IRX6: variants seen among roughly 807,000 people sequenced by gnomAD.
IRX6 encodes the protein iroquois-class homeodomain protein IRX-6.
A neutral mutation model predicts 47.7 loss-of-function variants in IRX6; 46 were observed. The observed-to-expected ratio is 0.96, with a 90% CI of 0.76 to 1.23. The LOEUF (loss-of-function observed/expected upper bound fraction) is 1.23, where lower values mean the gene tolerates loss of function less well. Ranked by LOEUF, IRX6 falls within the 50% of genes most tolerant of loss-of-function variation. IRX6 has a pLI of 0.00. For missense variants in IRX6, 722 were observed against 588.0 expected (o/e 1.23, Z -2.36); for synonymous variants, 265 against 246.2 (o/e 1.08, Z -0.72).
chr16:55,327,580 C>G lies in IRX6; in HGVS notation c.414-6C>G. 1.3e-6 allele frequency: 2 copies of G among 1,590,060 alleles called. No homozygotes were observed. Among genetic ancestry groups the G allele is most frequent in the Non-Finnish European group, 8.6e-7 (1 of 1,168,040 alleles). On this transcript the variant is annotated splice_polypyrimidine_tract_variant and splice_region_variant and intron_variant, in intron 3 of 5. Coordinates refer to ENST00000290552, the MANE Select transcript of IRX6 (RefSeq NM_024335.3). Reference sequence around the variant, plus strand: ...TCTATAATGTGAGCCAGGTTCTCCCCCACAGGTATGGCGCAGTGGAATTGA... The same window carrying G: ...TCTATAATGTGAGCCAGGTTCTCCCGCACAGGTATGGCGCAGTGGAATTGA...
chr16:55,327,803 A>T lies in IRX6; in HGVS notation c.631A>T (p.Thr211Ser), dbSNP rs1413707715. The T allele has an allele frequency of 1.2e-6, 2 of 1,612,826 alleles. No individual in the cohort carries two copies. The highest frequency in any genetic ancestry group is 2.7e-5 in the African/African-American group (2 of 74,848). The change falls in exon 4 of 6, where the codon ACA becomes TCA. Residue 211 changes from threonine to serine, a missense_variant. Thr to Ser is a moderately conservative substitution (Grantham distance 58). Coordinates refer to ENST00000290552, the MANE Select transcript of IRX6 (RefSeq NM_024335.3). Reference sequence around the variant, plus strand: ...GCGCCTCAAGAAAGAGAACAAAATGACATGGGCGCCCAAGAACAAAGGTGG... The same window carrying T: ...GCGCCTCAAGAAAGAGAACAAAATGTCATGGGCGCCCAAGAACAAAGGTGG... ...RRRLKKENKM[T>S]WAPKNKGGEE...
At chr16:55,325,475 G>T (rs1452196490) in intron 1 of IRX6, among the ~76,000 whole-genome samples, 2 of 34,102 alleles carry the variant, frequency 5.9e-5, no homozygotes, top group Non-Finnish European at 9.8e-5. Flanking sequence ...AAGAAAGAAA[G>T]AAATAAGGAA....
Position 55,327,684 on chromosome 16 carries a change from A to C in IRX6, c.512A>C (p.Asn171Thr). ...GCCTGGCTCAACGAGCACCGCAAAA[A>C]CCCCTACCCCACTAAGGGTGAGAAG... ...LKAWLNEHRK[N>T]PYPTKGEKIM... The change falls in exon 4 of 6, where the codon AAC becomes ACC. Residue 171 changes from asparagine to threonine, a missense_variant. Transcript: ENST00000290552. 1 of 1,611,742 alleles carries C rather than the reference A, an allele frequency of 6.2e-7. No homozygotes were observed. Among genetic ancestry groups the C allele is most frequent in the Non-Finnish European group, 8.5e-7 (1 of 1,179,870 alleles).
chr16:55,326,585 G>A lies in IRX6; in HGVS notation c.295G>A (p.Gly99Arg). The change falls in exon 2 of 6, where the codon GGG becomes AGG. Residue 99 changes from glycine to arginine, a missense_variant. Transcript: ENST00000290552. ...TAGCCCAGAGCCCCCCTCACTGTAT[G>A]GGGCACTGGTGAGTACAGGGGTGGA... ...PYSPEPPSLY[G>R]ALNPQYEFKE... The A allele has an allele frequency of 1.3e-6, 2 of 1,552,256 alleles. No homozygotes were observed. Among genetic ancestry groups the A allele is most frequent in the Non-Finnish European group, 1.7e-6 (2 of 1,145,886 alleles).
intron 1 of IRX6, 53 bp from the exon 2 acceptor site, chr16:55,326,282 CG>C (rs1960519787): frequency 1.0e-5 from 12 of 1,156,058 alleles, no homozygotes; most frequent in Non-Finnish European, 1.4e-5. Context: ...GGAGCGGGGG[CG>C]GGGGTGGGGG....
In IRX6 at chr16:55,327,685, C is replaced by G. The variant is rs187777953; in HGVS notation, c.513C>G (p.Asn171Lys). Reference sequence around the variant, plus strand: ...CCTGGCTCAACGAGCACCGCAAAAACCCCTACCCCACTAAGGGTGAGAAGA... The same window carrying G: ...CCTGGCTCAACGAGCACCGCAAAAAGCCCTACCCCACTAAGGGTGAGAAGA... Reference protein sequence around the residue: ...LKAWLNEHRKNPYPTKGEKIM... With the variant: ...LKAWLNEHRKKPYPTKGEKIM... The change falls in exon 4 of 6, where the codon AAC (asparagine) becomes AAG (lysine). Residue 171 changes from asparagine to lysine, a missense_variant. Physicochemically the swap from Asn to Lys is moderately conservative, Grantham distance 94 (BLOSUM62 0). Transcript: ENST00000290552. 6.2e-7 allele frequency: 1 copy of G among 1,612,288 alleles called. No homozygotes were observed. Among genetic ancestry groups the G allele is most frequent in the Non-Finnish European group, 8.5e-7 (1 of 1,180,028 alleles).
chr16:55,326,006 G>C (rs1960514514), intron 1 of IRX6: 1 of 300,724 alleles, frequency 3.3e-6, no homozygotes, highest in Non-Finnish European at 6.2e-6. Context: ...GATCCTGGGA[G>C]GAGGGTAGGG....
chr16:55,329,034 GTC>G lies in IRX6; in HGVS notation c.1060_1061del (p.Leu354GlyfsTer10). 6.2e-7 allele frequency: 1 copy of G among 1,613,952 alleles called. No homozygotes were observed. The highest frequency in any genetic ancestry group is 1.1e-5 in the South Asian group (1 of 91,076). On this transcript the variant is annotated frameshift_variant, in exon 5 of 6. Coordinates refer to ENST00000290552, the MANE Select transcript of IRX6 (RefSeq NM_024335.3). LOFTEE classifies it high-confidence loss of function. The stretch of plus-strand genomic sequence containing the variant: ...CATGCTTGGAGAAACCGCGCATCTG[GTC>G]TCTGGCGCACACCGCGACAGCCAGC... ...YPCLEKPRIW[S>X]LAHTATASAV... is the part of the protein sequence containing the mutation.
Position 55,325,028 on chromosome 16 carries a change from C to T in IRX6, c.-64C>T. The T allele has an allele frequency of 6.4e-7, 1 of 1,559,856 alleles. No individual in the cohort carries two copies. The highest frequency in any genetic ancestry group is 8.8e-7 in the Non-Finnish European group (1 of 1,131,278). On this transcript the variant is annotated 5_prime_UTR_variant, in exon 1 of 6. Coordinates refer to ENST00000290552, the MANE Select transcript of IRX6 (RefSeq NM_024335.3). ...CTGAGACACCTCACTGCTGGGGGCG[C>T]GGAACAGCTGGGCTGAGACGGGAAC...
intron 4 of IRX6, 21 bp from the exon 5 acceptor site, chr16:55,328,679 C>T: frequency 6.2e-7 from 1 of 1,609,468 alleles, no homozygotes; most frequent in South Asian, 1.1e-5. Flanking sequence ...GCTTTTCTCA[C>T]TCGCTCTTGA....
At position 55,330,397 on chromosome 16, in the gene IRX6, G is replaced by A. The variant is rs1378500262; in HGVS notation, c.*92G>A. Reference sequence around the variant, plus strand: ...TAAGAAGCTGCCAGACCTTGCCAGGGACCAGGAGCTCTCACTTTGCCTAAG... The same window carrying A: ...TAAGAAGCTGCCAGACCTTGCCAGGAACCAGGAGCTCTCACTTTGCCTAAG... On this transcript the variant is annotated 3_prime_UTR_variant, in exon 6 of 6. Transcript: ENST00000290552. 8.0e-7 allele frequency: 1 copy of A among 1,245,540 alleles called. No individual in the cohort carries two copies. Among genetic ancestry groups the A allele is most frequent in the Non-Finnish European group, 1.2e-6 (1 of 844,540 alleles). The allele number at this position is 1,245,540 out of a possible 1,614,324, so 77.2% of individuals were successfully genotyped here. A position where few individuals can be genotyped will look rare whatever the true frequency, so the allele number is the denominator to read the frequency against.
chr16:55,329,424 A>C (rs31088), intron 5 of IRX6, 113 bp downstream of exon 5: 487,544 of 1,350,438 alleles, frequency 0.36, 88,864 homozygotes, highest in African/African-American at 0.46. Context: ...CTCCCACAGA[A>C]CTGACGGGAG....
At position 55,324,781 on chromosome 16, in the gene IRX6, C is replaced by T; in HGVS notation, c.-311C>T. On this transcript the variant is annotated 5_prime_UTR_variant, in exon 1 of 6. Coordinates refer to ENST00000290552, the MANE Select transcript of IRX6 (RefSeq NM_024335.3). The surrounding 1 kb of genome is among the most constrained non-coding windows in gnomAD (Gnocchi z 4.4). ...GGACACCTCCGGAGCCTCACAGCCC[C>T]GCGCCGCGCCGCGCCTCACCTCGCC... The T allele has an allele frequency of 2.2e-6, 1 of 459,540 alleles. No individual in the cohort carries two copies. The highest frequency in any genetic ancestry group is 4.0e-6 in the Non-Finnish European group (1 of 252,260). 28.5% of individuals were successfully genotyped at this position (459,540 alleles called of 1,614,324 possible). A position where few individuals can be genotyped will look rare whatever the true frequency, so the allele number is the denominator to read the frequency against.
At position 55,326,326 on chromosome 16, in the gene IRX6, G is replaced by A; in HGVS notation, c.46-10G>A. 6.2e-7 allele frequency: 1 copy of A among 1,605,242 alleles called. No homozygotes were observed. The highest frequency in any genetic ancestry group is 1.3e-5 in the African/African-American group (1 of 74,864). ...TCTGACCTCCAGTGCCCTCTTTCTT[G>A]CCCCTATAGTTTCTGGCGTCGGCAA... is the stretch of plus-strand genomic sequence containing the variant. On this transcript the variant is annotated splice_polypyrimidine_tract_variant and intron_variant, in intron 1 of 5. Transcript: ENST00000290552.
At position 55,325,541 on chromosome 16, in the gene IRX6, GA is replaced by G. The variant is rs1960502822; in HGVS notation, c.45+406del. ...AAGGAAGGAAGGAAGGAGAGAGAGA[GA>G]GAGAGAGAGAGAGAGAGAGAAAGAA... On this transcript the variant is annotated intron_variant, in intron 1 of 5. Coordinates refer to ENST00000290552, the MANE Select transcript of IRX6 (RefSeq NM_024335.3). Among the ~76,000 whole-genome samples the G allele has an allele frequency of 1.8e-4, 2 of 10,846 alleles. 1 individual carries two copies. The highest frequency in any genetic ancestry group is 8.1e-4 in the African/African-American group (2 of 2,480). The allele number at this position is 10,846 out of a possible 152,430, so 7.1% of individuals were successfully genotyped here.
chr16:55,325,024 G>T lies in IRX6; in HGVS notation c.-68G>T, dbSNP rs1487247473. 6 of 1,534,054 alleles carry T rather than the reference G, an allele frequency of 3.9e-6. No individual in the cohort carries two copies. The Admixed American group carries it at 6.7e-5, about 17-fold the overall frequency. ...GGAACTGAGACACCTCACTGCTGGG[G>T]GCGCGGAACAGCTGGGCTGAGACGG... is the stretch of plus-strand genomic sequence containing the variant. On this transcript the variant is annotated 5_prime_UTR_variant, in exon 1 of 6. Coordinates refer to ENST00000290552, the MANE Select transcript of IRX6 (RefSeq NM_024335.3).
chr16:55,328,484 A>C (rs1391440576), intron 4 of IRX6, among the ~76,000 whole-genome samples: 5 of 152,254 alleles, frequency 3.3e-5, no homozygotes, highest in African/African-American at 1.2e-4. Context: ...GAGTCCGCTA[A>C]AGGGTGGTTG....
Position 55,328,840 on chromosome 16 carries a change from G to A in IRX6, c.862G>A (p.Gly288Ser). ...GGACAGGCTGACGGAGTTCCGAAAG[G>A]GCGCGCAGTCACTGCCTGGGCCGTG... ...AGDRLTEFRK[G>S]AQSLPGPCAA... The change falls in exon 5 of 6, where the codon GGC (glycine) becomes AGC (serine). Residue 288 changes from glycine (G) to serine (S), a missense_variant. Gly to Ser is a moderately conservative substitution (Grantham distance 56, BLOSUM62 0). Transcript: ENST00000290552. 6.2e-7 allele frequency: 1 copy of A among 1,612,906 alleles called. No homozygotes were observed. Among genetic ancestry groups the A allele is most frequent in the South Asian group, 1.1e-5 (1 of 91,090 alleles).
Position 55,329,271 on chromosome 16 carries a change from C to A in IRX6, c.1293C>A (p.Ser431Arg), listed in dbSNP as rs141495108. ...PLNCAPCPRR[S>R]EPVVQCQYPS... ...ACTGTGCGCCGTGCCCGCGGAGGAG[C>A]GAGCCTGTAGTGCAGTGCCAGTACC... Residue 431 changes from serine (S) to arginine (R), a missense_variant, in exon 5 of 6, where the codon AGC (serine) becomes AGA (arginine). Physicochemically the swap from Ser to Arg is moderately radical, Grantham distance 110. Coordinates refer to ENST00000290552, the MANE Select transcript of IRX6 (RefSeq NM_024335.3). The A allele has an allele frequency of 3.7e-6, 6 of 1,612,426 alleles. No individual in the cohort carries two copies. The highest frequency in any genetic ancestry group is 1.3e-5 in the African/African-American group (1 of 74,914).
Sources: allele counts gnomAD v4.1 joint callset (sites outside exome capture counted in the v4.1 genomes callset), GRCh38; gene constraint gnomAD v4.1.1; non-coding constraint Gnocchi (gnomAD v3.1); transcripts MANE v1.5; gene names NCBI Gene and HGNC (gene_info 2026-07-23, HGNC 2026-07-21).